Variants in EPHB1 observed in about 807,000 individuals in gnomAD.
EPHB1 encodes the protein ephrin type-B receptor 1.
Under a neutral mutation model 94.4 loss-of-function variants are expected in EPHB1, and 30 were observed. The ratio of observed to expected loss-of-function variants is 0.32; its 90% CI spans 0.24 to 0.43. The LOEUF is 0.43. EPHB1 is among the 20% of genes least tolerant of loss of function. The pLI is 1.00. For missense variants in EPHB1, 1,055 were observed against 1,308.3 expected, an observed-to-expected ratio of 0.81 and a Z score of 2.99; for synonymous variants, 522 against 489.1, an observed-to-expected ratio of 1.07 and a Z score of -0.89.
At chr3:135,148,571 T>C (rs1941089864) in intron 5 of EPHB1, among the ~76,000 whole-genome samples, 1 of 152,190 alleles carries the variant, frequency 6.6e-6, no homozygotes, top group Non-Finnish European at 1.5e-5. Flanking sequence ...AGTGACTAGT[T>C]TGGGCCAACA....
chr3:135,023,072 T>C (rs891156726), intron 3 of EPHB1, among the ~76,000 whole-genome samples: 19 of 152,332 alleles, frequency 1.2e-4, no homozygotes, highest in Non-Finnish European at 1.2e-4. Context: ...GGCTAGTCCT[T>C]CATTGGTTAT....
intron 11 of EPHB1, among the ~76,000 whole-genome samples, chr3:135,200,507 C>T (rs978925093): frequency 2.6e-5 from 4 of 152,076 alleles, no homozygotes; most frequent in African/African-American, 9.7e-5. Flanking sequence ...CTGGGATTAC[C>T]CAGAGAAGGT....
At chr3:135,203,578 C>T (rs1234000113) in intron 12 of EPHB1, among the ~76,000 whole-genome samples, 1 of 152,050 alleles carries the variant, frequency 6.6e-6, no homozygotes, top group Non-Finnish European at 1.5e-5. Flanking sequence ...TAACTAACCC[C>T]TTAAAAAGTT....
At chr3:135,078,265 T>C (rs1394729951) in intron 3 of EPHB1, among the ~76,000 whole-genome samples, 1 of 152,112 alleles carries the variant, frequency 6.6e-6, no homozygotes, top group Non-Finnish European at 1.5e-5. Context: ...GAGAAGAAGC[T>C]GATATCTCCT....
intron 2 of EPHB1, among the ~76,000 whole-genome samples, chr3:134,926,600 G>C: frequency 6.6e-6 from 1 of 152,218 alleles, no homozygotes; most frequent in East Asian, 1.9e-4. Flanking sequence ...ACATAAGAGG[G>C]AAGAGTCTGT....
intron 5 of EPHB1, among the ~76,000 whole-genome samples, chr3:135,135,149 C>T (rs1940572971): frequency 6.6e-6 from 1 of 152,150 alleles, no homozygotes; most frequent in African/African-American, 2.4e-5. Flanking sequence ...TCCATTATCA[C>T]CTTCCAATCT....
At chr3:134,803,083 G>T (rs978093801) in intron 1 of EPHB1, among the ~76,000 whole-genome samples, 1 of 152,198 alleles carries the variant, frequency 6.6e-6, no homozygotes, top group Admixed American at 6.5e-5. Flanking sequence ...CTTAAGGAGG[G>T]TGCTCATGGG....
chr3:135,096,616 A>G (rs1412487534), intron 3 of EPHB1, among the ~76,000 whole-genome samples: 1 of 152,350 alleles, frequency 6.6e-6, no homozygotes, highest in African/African-American at 2.4e-5. Flanking sequence ...TCCAAGATCA[A>G]TGTGCCAGAA....
chr3:135,092,477 C>T (rs2107792028), intron 3 of EPHB1, among the ~76,000 whole-genome samples: 1 of 152,270 alleles, frequency 6.6e-6, no homozygotes, highest in Non-Finnish European at 1.5e-5. Flanking sequence ...CTAGCATGGG[C>T]TTACCACTTC....
rs796317987 is a variant in EPHB1 at position 135,122,208 on chromosome 3, G to A, written c.962-10506G>A. 2.6e-5 allele frequency among the ~76,000 whole-genome samples: 4 copies of A among 152,134 alleles called. No homozygotes were observed. The South Asian group carries it at 8.3e-4, about 32-fold the overall frequency. ...GGGTCTCAATAAACACAGATGGATT[G>A]ATCTGTCAAGGATCAATGAATGATT... On this transcript the variant is annotated intron_variant, in intron 4 of 15. Coordinates refer to ENST00000398015, the MANE Select transcript of EPHB1 (RefSeq NM_004441.5).
intron 3 of EPHB1, among the ~76,000 whole-genome samples, chr3:134,954,313 C>T (rs751226700): frequency 2.6e-5 from 4 of 152,158 alleles, no homozygotes; most frequent in Non-Finnish European, 4.4e-5. Flanking sequence ...AGACTCTGCA[C>T]TCTTTGGTGG....
At position 135,092,757 on chromosome 3, in the gene EPHB1, C is replaced by T. The variant is rs561374426; in HGVS notation, c.806-13691C>T. Among the ~76,000 whole-genome samples the T allele has an allele frequency of 7.1e-4, 108 of 152,270 alleles. 1 individual carries two copies. The South Asian group carries it at 0.012, about 18-fold the overall frequency. On this transcript the variant is annotated intron_variant, in intron 3 of 15. Coordinates refer to ENST00000398015, the MANE Select transcript of EPHB1 (RefSeq NM_004441.5). ...TCTCCTGCCTCAGCCTCCTGAGTAG[C>T]TGGGACTACAGGCATGCGCCACTAC...
At chr3:135,054,853 G>C (rs890959725) in intron 3 of EPHB1, among the ~76,000 whole-genome samples, 1 of 152,052 alleles carries the variant, frequency 6.6e-6, no homozygotes, top group Non-Finnish European at 1.5e-5. Context: ...CCTTAAAAGT[G>C]CTTCCTCCAA....
rs775342164 is a variant in EPHB1 at position 135,201,554 on chromosome 3, G to T, written c.2211G>T (p.Glu737Asp). The T allele has an allele frequency of 6.2e-6, 10 of 1,613,932 alleles. No homozygotes were observed. Among genetic ancestry groups the T allele is most frequent in the Non-Finnish European group, 5.9e-6 (7 of 1,180,004 alleles). ...CTGCTGGCATGAAGTACCTGGCTGAGATGAATTATGTGCATCGGGACCTGG... is the reference window on the plus strand; with the variant it reads ...CTGCTGGCATGAAGTACCTGGCTGATATGAATTATGTGCATCGGGACCTGG... ...GIAAGMKYLAEMNYVHRDLAA... is the reference protein window; with the variant it reads ...GIAAGMKYLADMNYVHRDLAA... Residue 737 changes from glutamate (E) to aspartate (D), a missense_variant, in exon 12 of 16, where the codon GAG becomes GAT. Glu to Asp is a conservative substitution (Grantham distance 45). Transcript: ENST00000398015.
At chr3:134,909,425 C>A (rs2038407695) in intron 1 of EPHB1, among the ~76,000 whole-genome samples, 1 of 152,202 alleles carries the variant, frequency 6.6e-6, no homozygotes, top group Non-Finnish European at 1.5e-5. Flanking sequence ...GGCCAAGGCT[C>A]AAGCTTGGGG....
intron 3 of EPHB1, among the ~76,000 whole-genome samples, chr3:134,995,556 A>C (rs926612396): frequency 7.9e-5 from 12 of 152,210 alleles, no homozygotes; most frequent in Admixed American, 7.2e-4. Flanking sequence ...AGCCATTAGA[A>C]AAGTACAAAT....
At chr3:134,835,854 C>G (rs2036665930) in intron 1 of EPHB1, among the ~76,000 whole-genome samples, 1 of 152,186 alleles carries the variant, frequency 6.6e-6, no homozygotes, top group Admixed American at 6.5e-5. Context: ...TTCACCAGTA[C>G]CCCAGGGCTC....
intron 3 of EPHB1, among the ~76,000 whole-genome samples, chr3:135,010,149 A>T (rs1476686382): frequency 6.6e-5 from 10 of 152,218 alleles, no homozygotes; most frequent in Non-Finnish European, 1.0e-4. Flanking sequence ...AAAGTGCAAA[A>T]ATTGCTAAAG....
chr3:134,857,250 CT>C (rs568621016), intron 1 of EPHB1, among the ~76,000 whole-genome samples: 7 of 152,204 alleles, frequency 4.6e-5, no homozygotes, highest in Admixed American at 6.5e-5. Context: ...CTGCTTCCCA[CT>C]GCTATCTGTA....
Sources: allele counts gnomAD v4.1 joint callset (sites outside exome capture counted in the v4.1 genomes callset), GRCh38; gene constraint gnomAD v4.1.1; transcripts MANE v1.5; gene names NCBI Gene and HGNC (gene_info 2026-07-23, HGNC 2026-07-21).